Variants in HPS4 observed in about 807,000 individuals in gnomAD.
The protein encoded by HPS4 is HPS4 biogenesis of lysosomal organelles complex 3 subunit 2.
HPS4 carries 44 observed loss-of-function variants against 70.3 expected under a neutral mutation model. That is an observed-to-expected ratio of 0.63 (90% CI 0.49 to 0.80). The LOEUF (loss-of-function observed/expected upper bound fraction) is 0.80. HPS4 is among the 30% of genes least tolerant of loss of function. The pLI is 0.00. For missense variants in HPS4, 873 were observed against 884.4 expected, an observed-to-expected ratio of 0.99 and a Z score of 0.16; for synonymous variants, 377 against 355.9, an observed-to-expected ratio of 1.06 and a Z score of -0.67.
Position 26,472,838 on chromosome 22 carries a change from A to G in HPS4, c.378T>C (p.Ala126=). ...FNFYNGPVSL[A]YENCSQEELS... ...CTCAACCCCATACTTGTACCTCATAAGCTAGGGAAACAGGTCCATTGTAAA... is the reference window on the plus strand; with the variant it reads ...CTCAACCCCATACTTGTACCTCATAGGCTAGGGAAACAGGTCCATTGTAAA... Residue 126 remains alanine (A), a synonymous_variant, in exon 5 of 14, where the codon GCT becomes GCC. Coordinates refer to ENST00000398145, the MANE Select transcript of HPS4 (RefSeq NM_022081.6). 1 of 1,613,138 alleles carries G rather than the reference A, an allele frequency of 6.2e-7. No homozygotes were observed. The highest frequency in any genetic ancestry group is 2.2e-5 in the East Asian group (1 of 44,882).
At chr22:26,473,612 G>A (rs2090135347) in intron 4 of HPS4, among the ~76,000 whole-genome samples, 1 of 152,152 alleles carries the variant, frequency 6.6e-6, no homozygotes, top group African/African-American at 2.4e-5. Flanking sequence ...GCGTGGTGGT[G>A]TGTGCCTGTA....
chr22:26,447,583 A>G (rs1312385577), downstream of HPS4, among the ~76,000 whole-genome samples: 1 of 152,164 alleles, frequency 6.6e-6, no homozygotes, highest in Non-Finnish European at 1.5e-5. Flanking sequence ...AGCAGAGGCT[A>G]AGCACAGAAT....
intron 3 of HPS4, among the ~76,000 whole-genome samples, chr22:26,478,915 C>T (rs1415294869): frequency 6.6e-6 from 1 of 152,050 alleles, no homozygotes; most frequent in Non-Finnish European, 1.5e-5. Context: ...AACTCCTGAC[C>T]TCAGGTGATC....
intron 13 of HPS4, among the ~76,000 whole-genome samples, chr22:26,455,221 C>A (rs1444105625): frequency 6.6e-6 from 1 of 152,082 alleles, no homozygotes; most frequent in Non-Finnish European, 1.5e-5. Context: ...ACCCAGCCAA[C>A]CCATTACTGG....
intron 7 of HPS4, 84 bp downstream of exon 7, chr22:26,470,635 T>C (rs970000763): frequency 1.5e-6 from 2 of 1,350,622 alleles, no homozygotes; most frequent in African/African-American, 1.4e-5. Flanking sequence ...GAGACTGGGC[T>C]CCCCACTGTG....
Position 26,479,266 on chromosome 22 carries a change from T to G in HPS4, c.131A>C (p.Gln44Pro), listed in dbSNP as rs201485111. 1 of 1,614,192 alleles carries G rather than the reference T, an allele frequency of 6.2e-7. No homozygotes were observed. The highest frequency in any genetic ancestry group is 8.5e-7 in the Non-Finnish European group (1 of 1,180,040). ...ACAATAAAATGCTGTGTGGCTTACCTGGGAAGGATAAAAGTAACAAATGCC... is the reference window on the plus strand; with the variant it reads ...ACAATAAAATGCTGTGTGGCTTACCGGGGAAGGATAAAAGTAACAAATGCC... ...RAGICYFYPSQTLLDQQELLC... is the reference protein window; with the variant it reads ...RAGICYFYPSPTLLDQQELLC... The change falls in exon 3 of 14, where the codon CAG (glutamine) becomes CCG (proline). Residue 44 changes from glutamine to proline, a missense_variant and splice_region_variant. Coordinates refer to ENST00000398145, the MANE Select transcript of HPS4 (RefSeq NM_022081.6).
intron 1 of HPS4, among the ~76,000 whole-genome samples, 192 bp from the exon 2 acceptor site, chr22:26,482,432 C>T (rs956521629): frequency 2.0e-5 from 3 of 152,118 alleles, no homozygotes; most frequent in South Asian, 2.1e-4. Flanking sequence ...GGGAAACACA[C>T]CACAAGCTTC....
At position 26,464,197 on chromosome 22, in the gene HPS4, T is replaced by C; in HGVS notation, c.1433A>G (p.Gln478Arg). Residue 478 changes from glutamine to arginine, a missense_variant, in exon 11 of 14, where the codon CAG (glutamine) becomes CGG (arginine). By Grantham distance (43) the Gln-to-Arg change is conservative (BLOSUM62 1). Coordinates refer to ENST00000398145, the MANE Select transcript of HPS4 (RefSeq NM_022081.6). The part of the protein sequence containing the change: ...PLLLPRLDPG[Q>R]RGNKLPTGEQ... ...CCCCGTGGGAAGCTTGTTTCCTCTC[T>C]GTCCTGGATCTAAGCGAGGCAATAA... is the stretch of plus-strand genomic sequence containing the variant. 1 of 1,614,252 alleles carries C rather than the reference T, an allele frequency of 6.2e-7. No individual in the cohort carries two copies. Among genetic ancestry groups the C allele is most frequent in the Non-Finnish European group, 8.5e-7 (1 of 1,180,054 alleles).
At chr22:26,443,229 G>A (rs776417011), downstream of HPS4, 8 of 1,600,436 alleles carry the variant, frequency 5.0e-6, no homozygotes, top group Admixed American at 5.0e-5. Flanking sequence ...TGCTGGAGTC[G>A]GCGAGAAGGG....
intron 11 of HPS4, among the ~76,000 whole-genome samples, chr22:26,461,513 C>A (rs1321077646): frequency 6.6e-6 from 1 of 152,162 alleles, no homozygotes; most frequent in African/African-American, 2.4e-5. Context: ...CTGCCCCTCA[C>A]CCTACCCCTA....
intron 4 of HPS4, among the ~76,000 whole-genome samples, chr22:26,474,529 T>C (rs1383623238): frequency 6.6e-6 from 1 of 152,176 alleles, no homozygotes; most frequent in African/African-American, 2.4e-5. Context: ...GAGTAGGCAG[T>C]GGTTTTTTTC....
At chr22:26,467,545 G>C (rs1006984330) in intron 8 of HPS4, 3 of 152,122 alleles carry the variant, frequency 2.0e-5, no homozygotes, top group African/African-American at 7.2e-5. Context: ...AAAAATAAAG[G>C]GCATCCTTAA....
Position 26,465,463 on chromosome 22 carries a change from C to T in HPS4, c.795G>A (p.Gln265=), listed in dbSNP as rs200529828. ...AISLHEFPVE[Q]MTRSLASPAG... Reference sequence around the variant, plus strand: ...TCTGTGCACTCCATTACCTTGTCATCTGTTCCACCGGGAACTCGTGGAGAC... The same window carrying T: ...TCTGTGCACTCCATTACCTTGTCATTTGTTCCACCGGGAACTCGTGGAGAC... Residue 265 remains glutamine (Q), a synonymous_variant, in exon 10 of 14, where the codon CAG becomes CAA. Transcript: ENST00000398145. The T allele has an allele frequency of 3.7e-6, 6 of 1,610,544 alleles. No homozygotes were observed. The East Asian group carries it at 1.3e-4, about 36-fold the overall frequency.
rs1222650461 is a variant in HPS4 at position 26,451,923 on chromosome 22, A to G, written c.*1310T>C. 1 of 170,132 alleles carries G rather than the reference A, an allele frequency of 5.9e-6. No individual in the cohort carries two copies. Among genetic ancestry groups the G allele is most frequent in the Non-Finnish European group, 1.3e-5 (1 of 79,800 alleles). 10.5% of individuals were successfully genotyped at this position (170,132 alleles called of 1,614,324 possible). ...CAGGCTGCAGCCTGGCAGCCCTACA[A>G]ACAGACGGTCCTTACCCAGCCACAC... On this transcript the variant is annotated 3_prime_UTR_variant, in exon 14 of 14. Coordinates refer to ENST00000398145, the MANE Select transcript of HPS4 (RefSeq NM_022081.6).
exon 4 of HPS4, chr22:26,444,230 T>G (rs189418822): frequency 6.6e-6 from 1 of 152,084 alleles, no homozygotes; most frequent in East Asian, 1.9e-4. Context: ...TGCCTATGTT[T>G]TTTTTTTTTT....
chr22:26,453,004 T>G lies in HPS4; in HGVS notation c.*229A>C. On this transcript the variant is annotated 3_prime_UTR_variant, in exon 14 of 14. Coordinates refer to ENST00000398145, the MANE Select transcript of HPS4 (RefSeq NM_022081.6). ...CCCGTCCCGGCCCCAACACTACCGATTAAATACAGTTCTTTATCAAGTGCT... is the reference window on the plus strand; with the variant it reads ...CCCGTCCCGGCCCCAACACTACCGAGTAAATACAGTTCTTTATCAAGTGCT... 1.8e-6 allele frequency: 1 copy of G among 549,612 alleles called. No individual in the cohort carries two copies. The highest frequency in any genetic ancestry group is 3.3e-6 in the Non-Finnish European group (1 of 307,426). 34.0% of individuals were successfully genotyped at this position (549,612 alleles called of 1,614,324 possible).
rs774813995 is a variant in HPS4, at chr22:26,463,927, A to G, written c.1703T>C (p.Ile568Thr). 3.7e-6 allele frequency: 6 copies of G among 1,613,402 alleles called. No homozygotes were observed. In the East Asian group the frequency reaches 6.7e-5, roughly 18 times the overall value. Residue 568 changes from isoleucine (I) to threonine (T), a missense_variant, in exon 11 of 14, where the codon ATA (isoleucine) becomes ACA (threonine). Coordinates refer to ENST00000398145, the MANE Select transcript of HPS4 (RefSeq NM_022081.6). ...TCTGAGGACACTCACCACTTCCTCT[A>G]TGGCTGCGCTGTCTCCCAGCAGCGG... ...EEPLLGDSAA[I>T]EEVYHSSLAS...
intron 11 of HPS4, among the ~76,000 whole-genome samples, chr22:26,459,971 CAG>C (rs2086911536): frequency 6.6e-6 from 1 of 152,188 alleles, no homozygotes; most frequent in African/African-American, 2.4e-5. Context: ...GAGATGCAAA[CAG>C]AATGCTTCTG....
intron 3 of HPS4, among the ~76,000 whole-genome samples, chr22:26,445,688 C>T (rs917019602): frequency 3.9e-5 from 6 of 152,322 alleles, no homozygotes; most frequent in Admixed American, 1.3e-4. Context: ...ATGAAGGGCA[C>T]TCAACAACCT....
Sources: gnomAD v4.1 joint callset for allele counts (sites outside exome capture counted in the v4.1 genomes callset) on GRCh38, gnomAD v4.1.1 for gene constraint, MANE v1.5 for transcripts, NCBI Gene and HGNC (gene_info 2026-07-23, HGNC 2026-07-21) for gene names.